The following DHX40 variants were observed in gnomAD, a reference collection of about 807,000 sequenced individuals.
DHX40 encodes DEAH-box helicase 40, also known as probable ATP-dependent RNA helicase DHX40.
A neutral mutation model predicts 89.6 loss-of-function variants in DHX40; 28 were observed. The ratio of observed to expected loss-of-function variants is 0.31; its 90% CI spans 0.23 to 0.43. DHX40 has a LOEUF of 0.43. Among genes scored for constraint, DHX40 ranks in the 20% least tolerant of loss-of-function variants. The pLI is 1.00. For synonymous variants in DHX40, 226 were observed against 283.6 expected, an observed-to-expected ratio of 0.80 and a Z score of 2.04; for missense variants, 457 against 844.0, an observed-to-expected ratio of 0.54 and a Z score of 5.68.
At position 59,597,934 on chromosome 17, in the gene DHX40, CA is replaced by C. The variant is rs776094146; in HGVS notation, c.1583-784del. ...TGGGCGATAGAGCGAGACTCCGTCT[CA>C]AAAAAAAAAAAAAAAAAACCTCCTG... On this transcript the variant is annotated intron_variant, in intron 12 of 17. Coordinates refer to ENST00000251241, the MANE Select transcript of DHX40 (RefSeq NM_024612.5). Among the ~76,000 whole-genome samples the C allele has an allele frequency of 8.4e-3, 477 of 56,816 alleles. 1 individual carries two copies. The East Asian group carries it at 0.1, about 12-fold the overall frequency. 37.3% of individuals were successfully genotyped at this position (56,816 alleles called of 152,430 possible). A position where few individuals can be genotyped will look rare whatever the true frequency, so the allele number is the denominator to read the frequency against.
rs1567850211 is a variant in DHX40, at chr17:59,565,635, TCGGTGGA to T, written c.-34_-28del. ...GTCTTTCCCCTCCCATCTCCTCAGA[TCGGTGGA>T]CGTGCTCGCCTCCACTCGGGGCCAG... is the stretch of plus-strand genomic sequence containing the variant. On this transcript the variant is annotated 5_prime_UTR_variant, in exon 1 of 18. Coordinates refer to ENST00000251241, the MANE Select transcript of DHX40 (RefSeq NM_024612.5). The T allele has an allele frequency of 6.4e-6, 10 of 1,572,894 alleles. No homozygotes were observed. The South Asian group carries it at 7.9e-5, about 12-fold the overall frequency.
chr17:59,589,094 A>G (rs2049042907), intron 12 of DHX40, among the ~76,000 whole-genome samples: 1 of 151,908 alleles, frequency 6.6e-6, no homozygotes, highest in Admixed American at 6.6e-5. Flanking sequence ...GGAGCTTTAT[A>G]GTAACTCTTG....
rs2030950095 is a variant in DHX40, at chr17:59,607,757, G to T, written c.*585G>T. 6.5e-6 allele frequency: 1 copy of T among 153,476 alleles called. No individual in the cohort carries two copies. The allele number at this position is 153,476 out of a possible 1,614,324, so 9.5% of individuals were successfully genotyped here. A position where few individuals can be genotyped will look rare whatever the true frequency, so the allele number is the denominator to read the frequency against. On this transcript the variant is annotated 3_prime_UTR_variant, in exon 18 of 18. Transcript: ENST00000251241. Reference sequence around the variant, plus strand: ...TAGTAAATAAAATTGCCTATGGCAGGATTCTTTCTTGAATTAATATTAATC... The same window carrying T: ...TAGTAAATAAAATTGCCTATGGCAGTATTCTTTCTTGAATTAATATTAATC...
chr17:59,589,044 C>G (rs1160867625), intron 12 of DHX40, among the ~76,000 whole-genome samples: 3 of 151,930 alleles, frequency 2.0e-5, no homozygotes, highest in Admixed American at 6.6e-5. Flanking sequence ...ATCTGATTGT[C>G]TGTTTGTTCT....
intron 15 of DHX40, chr17:59,603,891 A>T (rs1373031671): frequency 6.6e-6 from 1 of 152,212 alleles, no homozygotes; most frequent in Non-Finnish European, 1.5e-5. Context: ...CATAACCTGA[A>T]TCTAATCATC....
At chr17:59,585,286 G>C (rs1470840336) in intron 10 of DHX40, among the ~76,000 whole-genome samples, 4 of 121,264 alleles carry the variant, frequency 3.3e-5, no homozygotes, top group Non-Finnish European at 6.6e-5. Flanking sequence ...TGTAATCCCA[G>C]CTACTCAGCA....
chr17:59,590,938 T>A (rs2049073308), intron 12 of DHX40, among the ~76,000 whole-genome samples: 1 of 151,008 alleles, frequency 6.6e-6, no homozygotes, highest in Non-Finnish European at 1.5e-5. Context: ...CTTGGGAGAC[T>A]GAGGTGGGAT....
At chr17:59,585,710 G>A (rs1448229654) in intron 10 of DHX40, among the ~76,000 whole-genome samples, 14 of 150,542 alleles carry the variant, frequency 9.3e-5, no homozygotes, top group South Asian at 2.1e-4. Flanking sequence ...GCAACAGAGC[G>A]AGACTCCATC....
intron 12 of DHX40, among the ~76,000 whole-genome samples, chr17:59,596,431 G>A (rs1424717750): frequency 6.6e-6 from 1 of 152,170 alleles, no homozygotes; most frequent in Non-Finnish European, 1.5e-5. Flanking sequence ...ATTTGGGTGT[G>A]GTGGTGTGTG....
intron 12 of DHX40, among the ~76,000 whole-genome samples, chr17:59,597,702 C>T (rs1435601191): frequency 6.6e-5 from 10 of 150,492 alleles, no homozygotes; most frequent in East Asian, 2.1e-4. Context: ...TTTGGGAGGC[C>T]GAGACGGGCA....
chr17:59,594,100 T>G (rs975845963), intron 12 of DHX40, among the ~76,000 whole-genome samples: 3 of 152,180 alleles, frequency 2.0e-5, no homozygotes, highest in African/African-American at 7.2e-5. Context: ...TCTATTTACT[T>G]CTCAGAAGGC....
intron 2 of DHX40, among the ~76,000 whole-genome samples, chr17:59,568,351 G>A (rs932189809): frequency 1.3e-5 from 2 of 152,072 alleles, no homozygotes; most frequent in African/African-American, 4.8e-5. Context: ...GATATGATTT[G>A]CCTTAAAAAA....
At chr17:59,592,565 G>A (rs1376632035) in intron 12 of DHX40, among the ~76,000 whole-genome samples, 5 of 150,608 alleles carry the variant, frequency 3.3e-5, no homozygotes, top group Admixed American at 6.6e-5. Context: ...CTTCTGAAAC[G>A]TCATATAAAT....
intron 2 of DHX40, 142 bp from the exon 3 acceptor site, chr17:59,570,376 A>C: frequency 1.8e-6 from 1 of 567,304 alleles, no homozygotes; most frequent in Non-Finnish European, 2.7e-6. Context: ...CATGATGCAA[A>C]CATAGCAGTG....
intron 10 of DHX40, among the ~76,000 whole-genome samples, chr17:59,585,949 C>A (rs1275318099): frequency 1.3e-5 from 2 of 151,482 alleles, no homozygotes; most frequent in Non-Finnish European, 2.9e-5. Context: ...AGAATCACTT[C>A]TTGAAGTAGA....
chr17:59,591,311 GA>G (rs1478461472), intron 12 of DHX40, among the ~76,000 whole-genome samples: 1 of 149,670 alleles, frequency 6.7e-6, no homozygotes, highest in African/African-American at 2.4e-5. Flanking sequence ...TCCCCAAAAA[GA>G]AAAAAGAAAG....
intron 7 of DHX40, 106 bp from the exon 8 acceptor site, chr17:59,577,160 C>T (rs181620174): frequency 5.3e-5 from 50 of 948,720 alleles, no homozygotes; most frequent in Non-Finnish European, 7.6e-5. Flanking sequence ...TGAGTCACCA[C>T]GCCCGGCCTA....
intron 17 of DHX40, among the ~76,000 whole-genome samples, chr17:59,606,745 CAA>C (rs777660578): frequency 2.1e-4 from 12 of 57,504 alleles, no homozygotes; most frequent in Admixed American, 4.1e-4. Context: ...GACTCCGTCT[CAA>C]AAAAAAAAAA....
intron 2 of DHX40, among the ~76,000 whole-genome samples, chr17:59,568,868 A>G (rs921973696): frequency 6.7e-6 from 1 of 150,308 alleles, no homozygotes; most frequent in African/African-American, 2.4e-5. Context: ...ATAGATATAT[A>G]TATTTATTTA....
Sources: gnomAD v4.1 joint callset for allele counts (sites outside exome capture counted in the v4.1 genomes callset) on GRCh38, gnomAD v4.1.1 for gene constraint, MANE v1.5 for transcripts, NCBI Gene and HGNC (gene_info 2026-07-23, HGNC 2026-07-21) for gene names.